The following PCDH15 variants were observed in gnomAD, a reference collection of about 807,000 sequenced individuals.
PCDH15 encodes protocadherin related 15, also known as protocadherin-15.
Under a neutral mutation model 178.5 loss-of-function variants are expected in PCDH15, and 129 were observed. That is an observed-to-expected ratio of 0.72 (90% CI 0.63 to 0.84). The LOEUF (loss-of-function observed/expected upper bound fraction) is 0.84. Ranked by LOEUF, PCDH15 falls within the 40% of genes least tolerant of loss-of-function variation. The pLI, the probability that PCDH15 is intolerant of heterozygous loss-of-function variation, is 0.00. For synonymous variants in PCDH15, 800 were observed against 732.0 expected, an observed-to-expected ratio of 1.09 and a Z score of -1.50; for missense variants, 2,230 against 2,099.9, an observed-to-expected ratio of 1.06 and a Z score of -1.21.
chr10:55,069,218 G>T (rs930511820), intron 2 of PCDH15, among the ~76,000 whole-genome samples: 7 of 135,124 alleles, frequency 5.2e-5, no homozygotes, highest in Non-Finnish European at 8.1e-5. Context: ...TCTTTTTGAT[G>T]TTCTGTTAGA....
intron 19 of PCDH15, among the ~76,000 whole-genome samples, chr10:54,021,372 T>C (rs532350323): frequency 6.6e-6 from 1 of 152,056 alleles, no homozygotes; most frequent in Non-Finnish European, 1.5e-5. Context: ...AATCAATTAT[T>C]GACTTAACAA....
At chr10:54,530,771 C>T (rs73258166) in intron 2 of PCDH15, among the ~76,000 whole-genome samples, 2,465 of 152,246 alleles carry the variant, frequency 0.016, 71 homozygotes, top group African/African-American at 0.055. Context: ...ACTACATATA[C>T]TTCTGGATAA....
intron 2 of PCDH15, among the ~76,000 whole-genome samples, chr10:55,367,040 T>C (rs2131985013): frequency 6.6e-6 from 1 of 152,050 alleles, no homozygotes; most frequent in African/African-American, 2.4e-5. Flanking sequence ...CTCCATTCTC[T>C]GGGATTATGG....
intron 36 of PCDH15, 87 bp downstream of exon 36, chr10:53,811,461 CA>C: frequency 1.2e-6 from 1 of 818,050 alleles, no homozygotes; most frequent in African/African-American, 1.8e-5. Context: ...ACATTAAAAA[CA>C]AATTCTAGTA....
At chr10:54,471,474 C>T (rs1371056529) in intron 3 of PCDH15, among the ~76,000 whole-genome samples, 1 of 152,052 alleles carries the variant, frequency 6.6e-6, no homozygotes. Context: ...TTAGCAATTA[C>T]TCATACAATG....
rs536006487 is a variant in PCDH15 at position 54,506,201 on chromosome 10, T to G, written c.157+21611A>C. On this transcript the variant is annotated intron_variant, in intron 3 of 37. Coordinates refer to ENST00000644397, the MANE Select transcript of PCDH15 (RefSeq NM_001384140.1). ...TGGAAAATATCACATCTGAGCCACT[T>G]GGAACTTTGGAGTATAGTGAAACTC... Among the ~76,000 whole-genome samples the G allele has an allele frequency of 5.3e-5, 8 of 152,214 alleles. No individual in the cohort carries two copies. In the South Asian group the frequency reaches 1.7e-3, roughly 32 times the overall value.
At chr10:54,662,592 A>G (rs1007996013) in intron 2 of PCDH15, among the ~76,000 whole-genome samples, 6 of 152,134 alleles carry the variant, frequency 3.9e-5, no homozygotes, top group African/African-American at 1.4e-4. Flanking sequence ...ACTAAGAGCT[A>G]CAACAAGCTT....
intron 3 of PCDH15, among the ~76,000 whole-genome samples, chr10:54,456,254 G>C (rs919788111): frequency 1.3e-5 from 2 of 152,316 alleles, no homozygotes; most frequent in East Asian, 3.9e-4. Context: ...CAGCTGAAGG[G>C]GGGGCATACC....
intron 2 of PCDH15, among the ~76,000 whole-genome samples, chr10:55,502,676 C>T (rs1840681582): frequency 6.6e-6 from 1 of 151,560 alleles, no homozygotes; most frequent in Admixed American, 6.6e-5. Context: ...ATTCTAGGCT[C>T]TAACAGTAAT....
chr10:55,360,526 G>T (rs1358139169), intron 2 of PCDH15, among the ~76,000 whole-genome samples: 2 of 151,838 alleles, frequency 1.3e-5, no homozygotes, highest in Non-Finnish European at 1.5e-5. Context: ...ACAAAGGCAG[G>T]TAATGCAATA....
chr10:54,723,972 C>A (rs954611511), intron 1 of PCDH15, among the ~76,000 whole-genome samples: 2 of 151,710 alleles, frequency 1.3e-5, no homozygotes, highest in Admixed American at 6.6e-5. Context: ...CTATTAAAAA[C>A]AGTATGTAGA....
chr10:54,221,892 C>A (rs917125251), intron 9 of PCDH15, among the ~76,000 whole-genome samples: 1 of 152,148 alleles, frequency 6.6e-6, no homozygotes, highest in Non-Finnish European at 1.5e-5. Flanking sequence ...CATGAGCCAC[C>A]CTGCCTGGCC....
chr10:55,027,685 C>T (rs867163384), intron 2 of PCDH15, among the ~76,000 whole-genome samples: 52 of 151,812 alleles, frequency 3.4e-4, no homozygotes, highest in African/African-American at 1.2e-3. Context: ...CATAATATAG[C>T]GATAGGACTC....
intron 2 of PCDH15, among the ~76,000 whole-genome samples, chr10:55,058,390 T>G (rs1841355335): frequency 6.6e-6 from 1 of 152,030 alleles, no homozygotes; most frequent in Admixed American, 6.6e-5. Flanking sequence ...TTGTATTTTT[T>G]GTAGAGATGG....
At chr10:54,527,059 G>C (rs1231762837) in intron 3 of PCDH15, among the ~76,000 whole-genome samples, 1 of 152,062 alleles carries the variant, frequency 6.6e-6, no homozygotes, top group African/African-American at 2.4e-5. Flanking sequence ...GACAAAATGA[G>C]CCACAGACCA....
At chr10:53,970,340 G>C (rs1036477660) in intron 21 of PCDH15, among the ~76,000 whole-genome samples, 1 of 152,098 alleles carries the variant, frequency 6.6e-6, no homozygotes, top group Non-Finnish European at 1.5e-5. Flanking sequence ...CCCAATACAG[G>C]AGCACCCAGA....
intron 2 of PCDH15, among the ~76,000 whole-genome samples, chr10:55,554,584 C>T (rs544207209): frequency 6.6e-6 from 1 of 151,960 alleles, no homozygotes; most frequent in Non-Finnish European, 1.5e-5. Flanking sequence ...ATCGAAAATA[C>T]AGCTTTTGTG....
intron 2 of PCDH15, among the ~76,000 whole-genome samples, chr10:54,542,329 G>A (rs1228938607): frequency 6.6e-6 from 1 of 152,166 alleles, no homozygotes; most frequent in Non-Finnish European, 1.5e-5. Flanking sequence ...CTGGCTGGCA[G>A]AGAAAGTTTA....
intron 1 of PCDH15, among the ~76,000 whole-genome samples, chr10:54,684,463 A>T (rs965132947): frequency 2.6e-5 from 4 of 152,016 alleles, no homozygotes; most frequent in Non-Finnish European, 4.4e-5. Context: ...ATGTTAAAGC[A>T]TATGTGGCAT....
Sources: allele counts gnomAD v4.1 joint callset (sites outside exome capture counted in the v4.1 genomes callset), GRCh38; gene constraint gnomAD v4.1.1; transcripts MANE v1.5; gene names NCBI Gene and HGNC (gene_info 2026-07-23, HGNC 2026-07-21).